The following PPP1R9A variants were observed in gnomAD, a reference collection of about 807,000 sequenced individuals.
PPP1R9A encodes the protein neurabin-1.
In PPP1R9A, 59 loss-of-function variants were observed where a neutral mutation model predicts 141.9. The ratio of observed to expected loss-of-function variants is 0.42; its 90% CI spans 0.34 to 0.52. The LOEUF (loss-of-function observed/expected upper bound fraction) is 0.52. Ranked by LOEUF, PPP1R9A falls within the 20% of genes least tolerant of loss-of-function variation. The probability of loss-of-function intolerance (pLI) is 0.10; values close to 1 mark genes in which losing one functional copy is unlikely to be tolerated. For missense variants in PPP1R9A, 1,444 were observed against 1,611.9 expected (o/e 0.90, Z 1.78); for synonymous variants, 500 against 569.7 (o/e 0.88, Z 1.74).
At chr7:95,075,879 T>C (rs1182817249) in intron 2 of PPP1R9A, among the ~76,000 whole-genome samples, 1 of 151,616 alleles carries the variant, frequency 6.6e-6, no homozygotes, top group Non-Finnish European at 1.5e-5. Context: ...AGGAAAGGGG[T>C]TTGGGGCTTC....
At chr7:95,204,171 A>T (rs1368713360) in intron 7 of PPP1R9A, among the ~76,000 whole-genome samples, 1 of 152,194 alleles carries the variant, frequency 6.6e-6, no homozygotes, top group Non-Finnish European at 1.5e-5. Flanking sequence ...ATATCTTTAA[A>T]TTATAGTAGT....
At chr7:95,002,674 A>G (rs1584220350) in intron 2 of PPP1R9A, among the ~76,000 whole-genome samples, 1 of 152,188 alleles carries the variant, frequency 6.6e-6, no homozygotes, top group South Asian at 2.1e-4. Context: ...AGGAACTATC[A>G]TCTCCTAGGC....
At chr7:95,095,236 C>G (rs963736124) in intron 2 of PPP1R9A, among the ~76,000 whole-genome samples, 2 of 152,082 alleles carry the variant, frequency 1.3e-5, no homozygotes, top group Non-Finnish European at 2.9e-5. Flanking sequence ...AAAGAAATTA[C>G]CAGTTTTTCT....
At chr7:95,230,099 T>A (rs973079919) in intron 8 of PPP1R9A, among the ~76,000 whole-genome samples, 1 of 152,090 alleles carries the variant, frequency 6.6e-6, no homozygotes, top group Non-Finnish European at 1.5e-5. Context: ...GAAACCCCAT[T>A]CCTAGGGTAA....
chr7:95,067,966 G>T (rs1813189918), intron 2 of PPP1R9A, among the ~76,000 whole-genome samples: 1 of 150,908 alleles, frequency 6.6e-6, no homozygotes, highest in African/African-American at 2.5e-5. Context: ...CTATGAAACA[G>T]CCCCACCCTT....
At chr7:95,205,222 A>G (rs1037117562) in intron 7 of PPP1R9A, among the ~76,000 whole-genome samples, 3 of 152,200 alleles carry the variant, frequency 2.0e-5, no homozygotes, top group African/African-American at 7.2e-5. Flanking sequence ...ATTTTCTTTG[A>G]TTTAAAAAAA....
chr7:95,108,423 G>A (rs1819960272), intron 2 of PPP1R9A, among the ~76,000 whole-genome samples: 1 of 139,276 alleles, frequency 7.2e-6, no homozygotes, highest in East Asian at 2.1e-4. Context: ...CCATTCTCCT[G>A]CTTCAGCCTC....
intron 2 of PPP1R9A, among the ~76,000 whole-genome samples, chr7:94,995,198 C>A (rs1388733415): frequency 6.6e-6 from 1 of 151,982 alleles, no homozygotes; most frequent in African/African-American, 2.4e-5. Context: ...AGAGAAATGG[C>A]CTCTCATCCT....
intron 2 of PPP1R9A, among the ~76,000 whole-genome samples, chr7:95,081,001 A>G (rs181105585): frequency 5.3e-5 from 8 of 152,332 alleles, no homozygotes; most frequent in East Asian, 1.9e-4. Context: ...CTTGTTAACT[A>G]TTGTTTACAA....
chr7:95,055,928 A>G (rs1811438123), intron 2 of PPP1R9A, among the ~76,000 whole-genome samples: 1 of 152,160 alleles, frequency 6.6e-6, no homozygotes, highest in Non-Finnish European at 1.5e-5. Context: ...TAACATACTA[A>G]TAAGCATTGC....
In PPP1R9A at chr7:95,181,778, G is replaced by A. The variant is rs184849691; in HGVS notation, c.1755-16571G>A. Among the ~76,000 whole-genome samples the A allele has an allele frequency of 6.8e-3, 763 of 111,688 alleles. 16 individuals carry two copies. Among genetic ancestry groups the A allele is most frequent in the African/African-American group, 0.025 (690 of 27,712 alleles). 73.3% of individuals were successfully genotyped at this position (111,688 alleles called of 152,430 possible). A position where few individuals can be genotyped will look rare whatever the true frequency, so the allele number is the denominator to read the frequency against. ...TATATATAGAATATATATATATTCC[G>A]TCACATATATATAGAATATATATAT... On this transcript the variant is annotated intron_variant, in intron 5 of 19. Transcript: ENST00000433360.
In PPP1R9A at chr7:94,911,319, T is replaced by G. The variant is rs775869834; in HGVS notation, c.1206T>G (p.Asn402Lys). Residue 402 changes from asparagine to lysine, a missense_variant, in exon 2 of 20, where the codon AAT (asparagine) becomes AAG (lysine). Transcript: ENST00000433360. ...GSHVYMHSDYNVYRVRSRYNS... is the reference protein window; with the variant it reads ...GSHVYMHSDYKVYRVRSRYNS... The stretch of plus-strand genomic sequence containing the variant: ...ATGTGTACATGCACAGTGACTATAA[T>G]GTGTATAGGGTGAGATCCAGGTATA... The G allele has an allele frequency of 6.2e-7, 1 of 1,614,078 alleles. No individual in the cohort carries two copies. Among genetic ancestry groups the G allele is most frequent in the South Asian group, 1.1e-5 (1 of 91,068 alleles).
intron 3 of PPP1R9A, among the ~76,000 whole-genome samples, chr7:95,113,318 A>G (rs1240248262): frequency 3.9e-5 from 6 of 152,208 alleles, no homozygotes; most frequent in Non-Finnish European, 7.3e-5. Context: ...GAGAAAAACG[A>G]CAATGGAGAA....
chr7:95,076,183 G>A (rs1225607878), intron 2 of PPP1R9A, among the ~76,000 whole-genome samples: 2 of 152,138 alleles, frequency 1.3e-5, no homozygotes, highest in Admixed American at 6.5e-5. Context: ...GATTAGAGGT[G>A]TGAGCCACCG....
At chr7:95,084,026 G>A (rs1816282011) in intron 2 of PPP1R9A, among the ~76,000 whole-genome samples, 1 of 152,008 alleles carries the variant, frequency 6.6e-6, no homozygotes, top group South Asian at 2.1e-4. Flanking sequence ...TTCTTATCAG[G>A]AATATTGTAT....
intron 2 of PPP1R9A, among the ~76,000 whole-genome samples, chr7:95,054,456 G>T (rs1051746045): frequency 1.3e-5 from 2 of 151,886 alleles, no homozygotes; most frequent in Non-Finnish European, 2.9e-5. Flanking sequence ...TATCATTACC[G>T]TACATTGTCT....
intron 16 of PPP1R9A, among the ~76,000 whole-genome samples, chr7:95,280,570 G>A (rs1804005166): frequency 6.6e-6 from 1 of 152,158 alleles, no homozygotes; most frequent in South Asian, 2.1e-4. Context: ...CTCTGAAATG[G>A]TATCTTTGGA....
Position 94,915,969 on chromosome 7 carries a change from C to T in PPP1R9A, c.1395+4461C>T, listed in dbSNP as rs116214776. On this transcript the variant is annotated intron_variant, in intron 2 of 19. Coordinates refer to ENST00000433360, the MANE Select transcript of PPP1R9A (RefSeq NM_001166160.2). ...GAAGTAATGTAGCTATCAGTCCAGG[C>T]ATAATGGTGACTTGGTATTTCCACT... Among the ~76,000 whole-genome samples, 3 of 152,202 alleles carry T rather than the reference C, an allele frequency of 2.0e-5. No individual in the cohort carries two copies. In the East Asian group the frequency reaches 5.8e-4, roughly 29 times the overall value.
Position 95,120,823 on chromosome 7 carries a change from G to A in PPP1R9A, c.1640G>A (p.Arg547Gln), listed in dbSNP as rs932961258. ...KTVTEGGAAQ[R>Q]DGRIQVNDQI... ...GTAACAGAAGGTGGTGCTGCTCAAC[G>A]GGATGGCAGGTAAATTAAGGACTGT... The change falls in exon 4 of 20, where the codon CGG (arginine) becomes CAG (glutamine). Residue 547 changes from arginine to glutamine, a missense_variant. This residue lies in a region of PPP1R9A where 488 missense variants were observed against 542.0 expected (regional missense o/e 0.90). Coordinates refer to ENST00000433360, the MANE Select transcript of PPP1R9A (RefSeq NM_001166160.2). 1.9e-6 allele frequency: 3 copies of A among 1,612,996 alleles called. No individual in the cohort carries two copies. Among genetic ancestry groups the A allele is most frequent in the East Asian group, 2.2e-5 (1 of 44,864 alleles).
Sources: allele counts gnomAD v4.1 joint callset (sites outside exome capture counted in the v4.1 genomes callset), GRCh38; gene constraint gnomAD v4.1.1; regional missense constraint gnomAD v4.1.1; transcripts MANE v1.5; gene names NCBI Gene and HGNC (gene_info 2026-07-23, HGNC 2026-07-21).